Variants in ATG12 observed in about 807,000 individuals in gnomAD.
ATG12 encodes the protein autophagy related 12, also known as ubiquitin-like protein ATG12.
Under a neutral mutation model 17.6 loss-of-function variants are expected in ATG12, and 19 were observed. That is an observed-to-expected ratio of 1.08 (90% CI 0.75 to 1.58). The LOEUF (loss-of-function observed/expected upper bound fraction) is 1.58, where lower values mean the gene tolerates loss of function less well. Ranked by LOEUF, ATG12 falls within the 40% of genes most tolerant of loss-of-function variation. The pLI, the probability that ATG12 is intolerant of heterozygous loss-of-function variation, is 0.00. For synonymous variants in ATG12, 75 were observed against 62.4 expected (o/e 1.20, Z -0.95); for missense variants, 214 against 162.0 (o/e 1.32, Z -1.74).
chr5:115,833,397 A>G (rs1760965957), intron 2 of ATG12: 1 of 152,126 alleles, frequency 6.6e-6, no homozygotes, highest in Admixed American at 6.5e-5. Flanking sequence ...AAAAAGTATC[A>G]GAATAGTTGG....
chr5:115,839,236 C>T (rs1015939836), intron 1 of ATG12: 1 of 151,888 alleles, frequency 6.6e-6, no homozygotes, highest in Non-Finnish European at 1.5e-5. Flanking sequence ...TTGCTCCATT[C>T]TTTAGGTATT....
At chr5:115,832,532 G>A in intron 3 of ATG12, 70 bp downstream of exon 3, 1 of 1,373,706 alleles carries the variant, frequency 7.3e-7, no homozygotes, top group South Asian at 1.5e-5. Flanking sequence ...TTATACAGAT[G>A]TGCATACTCG....
At chr5:115,840,883 T>A (rs1455439462) in intron 1 of ATG12, 2 of 1,288,110 alleles carry the variant, frequency 1.6e-6, no homozygotes, top group Non-Finnish European at 2.0e-6. Flanking sequence ...TTAGCAGTCT[T>A]CATTCTGCAT....
chr5:115,835,471 G>A (rs1047432329), intron 2 of ATG12, among the ~76,000 whole-genome samples: 1 of 151,962 alleles, frequency 6.6e-6, no homozygotes, highest in African/African-American at 2.4e-5. Flanking sequence ...AGCTTTCCAG[G>A]CTCTGTTCCC....
rs1349284755 is a variant in ATG12, at chr5:115,831,135, AT to A, written c.*668del. 2.6e-5 allele frequency: 4 copies of A among 152,238 alleles called. No individual in the cohort carries two copies. The highest frequency in any genetic ancestry group is 9.6e-5 in the African/African-American group (4 of 41,460). The allele number at this position is 152,238 out of a possible 1,614,324, so 9.4% of individuals were successfully genotyped here. A position where few individuals can be genotyped will look rare whatever the true frequency, so the allele number is the denominator to read the frequency against. ...AGGACTGAAAACAGGTATATGACTT[AT>A]TTGTCCAGAATTTATATTTTTCTGT... On this transcript the variant is annotated 3_prime_UTR_variant, in exon 4 of 4. Coordinates refer to ENST00000509910, the MANE Select transcript of ATG12 (RefSeq NM_004707.4).
intron 1 of ATG12, chr5:115,839,642 G>A (rs918711779): frequency 6.6e-6 from 1 of 152,136 alleles, no homozygotes; most frequent in Non-Finnish European, 1.5e-5. Context: ...TCTGAACCCG[G>A]ATACACATTA....
chr5:115,840,276 A>C (rs1272964712), intron 1 of ATG12, among the ~76,000 whole-genome samples: 1 of 152,078 alleles, frequency 6.6e-6, no homozygotes, highest in Non-Finnish European at 1.5e-5. Context: ...AAGTTGAAGA[A>C]AAAGCAATGA....
At chr5:115,833,469 C>G (rs540756530) in intron 2 of ATG12, 1 of 152,154 alleles carries the variant, frequency 6.6e-6, no homozygotes, top group South Asian at 2.1e-4. Flanking sequence ...TCTCTCTTAG[C>G]CAATATAGTG....
chr5:115,840,577 A>G (rs377674304), intron 1 of ATG12: 1 of 1,277,050 alleles, frequency 7.8e-7, no homozygotes. Context: ...GGATTACAGG[A>G]GTGAGCCACC....
chr5:115,835,394 T>C (rs1242351291), intron 2 of ATG12, among the ~76,000 whole-genome samples: 1 of 152,196 alleles, frequency 6.6e-6, no homozygotes, highest in Non-Finnish European at 1.5e-5. Flanking sequence ...AGGGTAGTTT[T>C]TCTAACTTCA....
intron 1 of ATG12, among the ~76,000 whole-genome samples, chr5:115,839,664 G>C (rs929974860): frequency 6.6e-6 from 1 of 152,118 alleles, no homozygotes; most frequent in African/African-American, 2.4e-5. Context: ...AATCAACTAG[G>C]GAAACACTTA....
At chr5:115,839,754 G>T (rs780176246) in intron 1 of ATG12, among the ~76,000 whole-genome samples, 9 of 152,158 alleles carry the variant, frequency 5.9e-5, no homozygotes, top group Non-Finnish European at 1.3e-4. Context: ...ATTAACAAAG[G>T]CTGAGGATAC....
chr5:115,841,384 A>C lies in ATG12; in HGVS notation c.163+6T>G, dbSNP rs1443962392. 1 of 1,610,640 alleles carries C rather than the reference A, an allele frequency of 6.2e-7. No individual in the cohort carries two copies. Among genetic ancestry groups the C allele is most frequent in the East Asian group, 2.2e-5 (1 of 44,838 alleles). On this transcript the variant is annotated splice_donor_region_variant and intron_variant, in intron 1 of 3. Transcript: ENST00000509910. ...CGCCTCTCTGCCCGGAAATAAATTC[A>C]GTTACTTTTTTTCTTGGTGTCGCCA... is the stretch of plus-strand genomic sequence containing the variant.
At chr5:115,832,730 T>C in intron 2 of ATG12, 66 bp from the exon 3 acceptor site, 1 of 1,380,386 alleles carries the variant, frequency 7.2e-7, no homozygotes, top group Non-Finnish European at 9.7e-7. Context: ...TTTTTCTGCA[T>C]TCCAATCAGC....
In ATG12 at chr5:115,830,353, A is replaced by C. The variant is rs1002599692; in HGVS notation, c.*1451T>G. On this transcript the variant is annotated 3_prime_UTR_variant, in exon 4 of 4. Coordinates refer to ENST00000509910, the MANE Select transcript of ATG12 (RefSeq NM_004707.4). ...GTGGCAAACAATACGAAAATTCAACATATTTTTATTTGTTAAATATATGAA... is the reference window on the plus strand; with the variant it reads ...GTGGCAAACAATACGAAAATTCAACCTATTTTTATTTGTTAAATATATGAA... 6.6e-6 allele frequency: 1 copy of C among 152,112 alleles called. No homozygotes were observed. Among genetic ancestry groups the C allele is most frequent in the African/African-American group, 2.4e-5 (1 of 41,432 alleles). The allele number at this position is 152,112 out of a possible 1,614,324, so 9.4% of individuals were successfully genotyped here. A position where few individuals can be genotyped will look rare whatever the true frequency, so the allele number is the denominator to read the frequency against.
Position 115,839,975 on chromosome 5 carries a change from T to C in ATG12, c.163+1415A>G, listed in dbSNP as rs114560725. On this transcript the variant is annotated intron_variant, in intron 1 of 3. Transcript: ENST00000509910. The stretch of plus-strand genomic sequence containing the variant: ...ATATGCCCTCGGGCAATATTTAGAT[T>C]GTAAGCCATTTTTTTTAGCTTTTGT... Among the ~76,000 whole-genome samples the C allele has an allele frequency of 8.6e-3, 1,311 of 152,372 alleles. 18 individuals carry two copies. The highest frequency in any genetic ancestry group is 0.03 in the African/African-American group (1,246 of 41,590).
Position 115,841,534 on chromosome 5 carries a change from ACT to A in ATG12, c.17_18del (p.Gln6LeufsTer50). On this transcript the variant is annotated frameshift_variant, in exon 1 of 4. Coordinates refer to ENST00000509910, the MANE Select transcript of ATG12 (RefSeq NM_004707.4). LOFTEE classifies it high-confidence loss of function. MAEEP[Q>X]SVLQLPTSIA... ...ATTGAAGTAGGAAGCTGCAACACAGACTGCGGCTCCTCCGCCATCTTGCTTGG... is the reference window on the plus strand; with the variant it reads ...ATTGAAGTAGGAAGCTGCAACACAGAGCGGCTCCTCCGCCATCTTGCTTGG... The A allele has an allele frequency of 6.2e-7, 1 of 1,613,200 alleles. No homozygotes were observed. The highest frequency in any genetic ancestry group is 1.1e-5 in the South Asian group (1 of 91,064).
At chr5:115,831,951 T>C (rs541739680) in intron 3 of ATG12, 88 bp from the exon 4 acceptor site, 1 of 1,248,420 alleles carries the variant, frequency 8.0e-7, no homozygotes, top group East Asian at 2.5e-5. Flanking sequence ...GTATCATAAA[T>C]ATCCACACAC....
Position 115,831,698 on chromosome 5 carries a change from T to C in ATG12, c.*106A>G, listed in dbSNP as rs769445513. 2.0e-6 allele frequency: 2 copies of C among 1,011,256 alleles called. No individual in the cohort carries two copies. The highest frequency in any genetic ancestry group is 2.8e-5 in the South Asian group (2 of 71,984). 62.6% of individuals were successfully genotyped at this position (1,011,256 alleles called of 1,614,324 possible). ...AAACATAGAGTAGACACATACTAAATAGATCACATCTGTTAAGTCTCTTGC... is the reference window on the plus strand; with the variant it reads ...AAACATAGAGTAGACACATACTAAACAGATCACATCTGTTAAGTCTCTTGC... On this transcript the variant is annotated 3_prime_UTR_variant, in exon 4 of 4. Transcript: ENST00000509910.
Sources: gnomAD v4.1 joint callset for allele counts (sites outside exome capture counted in the v4.1 genomes callset) on GRCh38, gnomAD v4.1.1 for gene constraint, MANE v1.5 for transcripts, NCBI Gene and HGNC (gene_info 2026-07-23, HGNC 2026-07-21) for gene names.